Variants in CHAF1B observed in about 807,000 individuals in gnomAD.
CHAF1B encodes chromatin assembly factor 1 subunit B.
CHAF1B carries 10 observed loss-of-function variants against 60.7 expected under a neutral mutation model. That is an observed-to-expected ratio of 0.16 (90% CI 0.10 to 0.28). The LOEUF (loss-of-function observed/expected upper bound fraction) is 0.28, where lower values mean the gene tolerates loss of function less well. CHAF1B is among the 10% of genes least tolerant of loss of function. CHAF1B has a pLI of 1.00. For synonymous variants in CHAF1B, 261 were observed against 266.1 expected (o/e 0.98, Z 0.19); for missense variants, 558 against 708.4 (o/e 0.79, Z 2.41).
At chr21:36,407,317 AG>A (rs1304532307) in intron 8 of CHAF1B, among the ~76,000 whole-genome samples, 2,231 of 149,442 alleles carry the variant, frequency 0.015, 52 homozygotes, top group African/African-American at 0.053. Flanking sequence ...AAAAAAAAAA[AG>A]TATATGTTCA....
intron 3 of CHAF1B, among the ~76,000 whole-genome samples, chr21:36,389,788 T>TGC (rs1362894420): frequency 3.1e-5 from 4 of 130,804 alleles, no homozygotes; most frequent in African/African-American, 1.1e-4. Flanking sequence ...TGTGTGTGTG[T>TGC]GTGTGTGTGT....
chr21:36,387,581 T>C lies in CHAF1B; in HGVS notation c.127-17T>C, dbSNP rs141204260. 6.2e-6 allele frequency: 10 copies of C among 1,613,910 alleles called. No individual in the cohort carries two copies. In the East Asian group the frequency reaches 2.2e-4, roughly 36 times the overall value. Reference sequence around the variant, plus strand: ...GCCCATTCTATGTTTTTCAAATGAATGTGTTGGTATTGACAGATCTGGAAG... The same window carrying C: ...GCCCATTCTATGTTTTTCAAATGAACGTGTTGGTATTGACAGATCTGGAAG... On this transcript the variant is annotated splice_polypyrimidine_tract_variant and intron_variant, in intron 2 of 13. Transcript: ENST00000314103.
intron 10 of CHAF1B, 81 bp from the exon 11 acceptor site, chr21:36,411,382 G>A: frequency 1.3e-6 from 2 of 1,557,712 alleles, no homozygotes; most frequent in South Asian, 1.2e-5. Flanking sequence ...CCAAAGTGCT[G>A]GGATTCTAGG....
At chr21:36,408,673 G>T in intron 8 of CHAF1B, 88 bp from the exon 9 acceptor site, 1 of 875,766 alleles carries the variant, frequency 1.1e-6, no homozygotes, top group Non-Finnish European at 1.9e-6. Context: ...TTTGCAAACC[G>T]GACCTGAAGG....
intron 7 of CHAF1B, among the ~76,000 whole-genome samples, chr21:36,400,653 TCGAGC>T (rs1259080013): frequency 6.6e-6 from 1 of 152,010 alleles, no homozygotes; most frequent in Non-Finnish European, 1.5e-5. Flanking sequence ...GACAGGCAGG[TCGAGC>T]GTTGGATCTG....
chr21:36,405,807 GT>G (rs923925995), intron 8 of CHAF1B, among the ~76,000 whole-genome samples: 5 of 152,104 alleles, frequency 3.3e-5, no homozygotes, highest in African/African-American at 1.2e-4. Context: ...TATAAAGCAA[GT>G]TCTGAACAAA....
At chr21:36,404,732 CTT>C (rs61593376) in intron 8 of CHAF1B, among the ~76,000 whole-genome samples, 34,562 of 50,466 alleles carry the variant, frequency 0.68, 12,043 homozygotes, top group Non-Finnish European at 0.74. Context: ...TTGCGCTGGC[CTT>C]TTTTTTTTTT....
intron 3 of CHAF1B, among the ~76,000 whole-genome samples, chr21:36,388,143 G>GA (rs2086050555): frequency 6.6e-6 from 1 of 151,946 alleles, no homozygotes; most frequent in South Asian, 2.1e-4. Context: ...TTTTAGTTCA[G>GA]GTGTGGCTGA....
intron 3 of CHAF1B, among the ~76,000 whole-genome samples, chr21:36,389,760 T>TATGTGC (rs2086068567): frequency 3.2e-5 from 1 of 31,706 alleles, no homozygotes; most frequent in Non-Finnish European, 6.9e-5. Flanking sequence ...CATGAAGGGA[T>TATGTGC]GTGTGTGTGT....
chr21:36,394,714 G>C, intron 5 of CHAF1B, 64 bp downstream of exon 5: 2 of 920,768 alleles, frequency 2.2e-6, no homozygotes, highest in Non-Finnish European at 1.6e-6. Context: ...AAGCCTAAAA[G>C]TCTAACTTGC....
At position 36,402,806 on chromosome 21, in the gene CHAF1B, C is replaced by T; in HGVS notation, c.712C>T (p.Arg238Cys). The change falls in exon 8 of 14, where the codon CGT (arginine) becomes TGT (cysteine). Residue 238 changes from arginine (R) to cysteine (C), a missense_variant. Around this residue, in one of 2 missense-constraint regions of CHAF1B, gnomAD observed 325 missense variants for 493.5 expected, o/e 0.66. Transcript: ENST00000314103. ...CGACGACAGCATGAAGTCTTTCTTC[C>T]GTAGACTGAGTTTCACTCCCGACGG... ...FHDDSMKSFF[R>C]RLSFTPDGSL... 2 of 1,614,064 alleles carry T rather than the reference C, an allele frequency of 1.2e-6. No homozygotes were observed. Among genetic ancestry groups the T allele is most frequent in the East Asian group, 2.2e-5 (1 of 44,880 alleles).
intron 13 of CHAF1B, chr21:36,415,822 G>A (rs1292733926): frequency 7.8e-6 from 3 of 384,716 alleles, no homozygotes; most frequent in African/African-American, 4.3e-5. Context: ...GCACGATTTC[G>A]GCTCACTGCA....
chr21:36,411,372 C>A, intron 10 of CHAF1B, 91 bp from the exon 11 acceptor site: 1 of 1,527,754 alleles, frequency 6.5e-7, no homozygotes, highest in South Asian at 1.2e-5. Flanking sequence ...GCTCGGCCTC[C>A]CAAAGTGCTG....
chr21:36,395,725 T>C (rs1412102846), intron 5 of CHAF1B, among the ~76,000 whole-genome samples: 3 of 152,202 alleles, frequency 2.0e-5, no homozygotes, highest in South Asian at 2.1e-4. Context: ...TGAAAAGTTA[T>C]AGTGGTGTGA....
intron 5 of CHAF1B, 46 bp downstream of exon 5, chr21:36,394,696 A>G (rs1015189817): frequency 2.3e-6 from 3 of 1,313,840 alleles, no homozygotes; most frequent in South Asian, 1.3e-5. Flanking sequence ...TATTCTAAGC[A>G]TCTATAAAAG....
At chr21:36,403,324 C>A (rs965408092) in intron 8 of CHAF1B, among the ~76,000 whole-genome samples, 5 of 151,242 alleles carry the variant, frequency 3.3e-5, no homozygotes, top group African/African-American at 9.7e-5. Context: ...GATGTGGTGG[C>A]GCATACCCTG....
chr21:36,409,747 C>G (rs769044950), intron 10 of CHAF1B, among the ~76,000 whole-genome samples: 5 of 152,034 alleles, frequency 3.3e-5, no homozygotes, highest in Admixed American at 3.3e-4. Flanking sequence ...ATCCACCTGC[C>G]TCGGCCTCCC....
chr21:36,397,083 C>T (rs2086146204), intron 5 of CHAF1B, among the ~76,000 whole-genome samples: 1 of 152,214 alleles, frequency 6.6e-6, no homozygotes. Flanking sequence ...CCTTCATCCC[C>T]TCTTCATCCT....
chr21:36,392,391 G>T (rs1286775313), intron 4 of CHAF1B, among the ~76,000 whole-genome samples: 4 of 151,708 alleles, frequency 2.6e-5, no homozygotes, highest in Non-Finnish European at 5.9e-5. Context: ...TTTTCTATTC[G>T]ACAAAACCGC....
Sources: allele counts gnomAD v4.1 joint callset (sites outside exome capture counted in the v4.1 genomes callset), GRCh38; gene constraint gnomAD v4.1.1; regional missense constraint gnomAD v4.1.1; transcripts MANE v1.5; gene names NCBI Gene and HGNC (gene_info 2026-07-23, HGNC 2026-07-21).